The following ZFPM2 variants were observed in gnomAD, a reference collection of about 807,000 sequenced individuals.
ZFPM2 encodes zinc finger protein, FOG family member 2, also known as zinc finger protein ZFPM2.
ZFPM2 carries 20 observed loss-of-function variants against 98.6 expected under a neutral mutation model. The observed-to-expected ratio is 0.20, with a 90% CI of 0.14 to 0.29. The LOEUF is 0.29. Ranked by LOEUF, ZFPM2 falls within the 10% of genes least tolerant of loss-of-function variation. The pLI, the probability that ZFPM2 is intolerant of heterozygous loss-of-function variation, is 1.00. For synonymous variants in ZFPM2, 518 were observed against 502.7 expected, an observed-to-expected ratio of 1.03 and a Z score of -0.41; for missense variants, 1,310 against 1,388.6, an observed-to-expected ratio of 0.94 and a Z score of 0.90.
At chr8:105,445,220 C>A (rs189654885) in intron 3 of ZFPM2, among the ~76,000 whole-genome samples, 1 of 152,084 alleles carries the variant, frequency 6.6e-6, no homozygotes. Flanking sequence ...AGAGGAACTC[C>A]AGCAGTAATT....
At chr8:105,706,782 G>C (rs1811273468) in intron 5 of ZFPM2, among the ~76,000 whole-genome samples, 1 of 152,052 alleles carries the variant, frequency 6.6e-6, no homozygotes, top group South Asian at 2.1e-4. Flanking sequence ...GTTTCACCAT[G>C]TTGGCCAGGC....
intron 1 of ZFPM2, among the ~76,000 whole-genome samples, chr8:105,353,830 T>C (rs1812692453): frequency 6.6e-6 from 1 of 152,234 alleles, no homozygotes; most frequent in South Asian, 2.1e-4. Flanking sequence ...CGGAGTTTTA[T>C]TCTAAGTGCT....
intron 3 of ZFPM2, among the ~76,000 whole-genome samples, chr8:105,494,229 T>TAAA (rs1563684629): frequency 1.2e-5 from 1 of 85,980 alleles, no homozygotes; most frequent in African/African-American, 4.2e-5. Context: ...ATATATATAA[T>TAAA]CTCAAACTCA....
At chr8:105,531,909 T>C (rs1399161089) in intron 3 of ZFPM2, among the ~76,000 whole-genome samples, 1 of 152,162 alleles carries the variant, frequency 6.6e-6, no homozygotes, top group Non-Finnish European at 1.5e-5. Flanking sequence ...TTCTTTTCTT[T>C]TCTTTTTCTG....
At chr8:105,533,487 T>A (rs1390939232) in intron 3 of ZFPM2, among the ~76,000 whole-genome samples, 1 of 152,134 alleles carries the variant, frequency 6.6e-6, no homozygotes, top group African/African-American at 2.4e-5. Flanking sequence ...TCTGGAAGAG[T>A]ACTATATAAA....
chr8:105,384,466 G>A (rs577106279), intron 1 of ZFPM2, among the ~76,000 whole-genome samples: 2 of 152,094 alleles, frequency 1.3e-5, no homozygotes. Flanking sequence ...TCATTAATAG[G>A]ATACCAAATG....
At chr8:105,514,161 C>T (rs767060546) in intron 3 of ZFPM2, among the ~76,000 whole-genome samples, 5 of 151,970 alleles carry the variant, frequency 3.3e-5, no homozygotes, top group African/African-American at 1.2e-4. Context: ...CACCATCACA[C>T]GCGTCTAAAT....
chr8:105,713,405 T>C lies in ZFPM2; in HGVS notation c.533-75313T>C, dbSNP rs560618149. Among the ~76,000 whole-genome samples the C allele has an allele frequency of 9.9e-5, 15 of 152,226 alleles. No individual in the cohort carries two copies. The South Asian group carries it at 2.1e-3, about 21-fold the overall frequency. ...TCTTCTTGTTGATTTAAGTTTCTTA[T>C]AGATTCTGGGCATTAGTCCTTTGTC... On this transcript the variant is annotated intron_variant, in intron 5 of 7. Coordinates refer to ENST00000407775, the MANE Select transcript of ZFPM2 (RefSeq NM_012082.4).
chr8:105,646,341 G>A (rs917309326), intron 5 of ZFPM2, among the ~76,000 whole-genome samples: 11 of 152,066 alleles, frequency 7.2e-5, no homozygotes, highest in Non-Finnish European at 1.3e-4. Flanking sequence ...GGGTAGTGTC[G>A]GGTGGTTCGT....
At chr8:105,442,495 T>C (rs371446229) in intron 2 of ZFPM2, among the ~76,000 whole-genome samples, 1 of 152,244 alleles carries the variant, frequency 6.6e-6, no homozygotes, top group Admixed American at 6.5e-5. Flanking sequence ...CCACAGTTCC[T>C]TAAACATAGT....
At chr8:105,448,492 G>A (rs138834105) in intron 3 of ZFPM2, among the ~76,000 whole-genome samples, 1 of 151,870 alleles carries the variant, frequency 6.6e-6, no homozygotes, top group Non-Finnish European at 1.5e-5. Flanking sequence ...GAAGTTCAAG[G>A]TGTAACATCA....
intron 3 of ZFPM2, among the ~76,000 whole-genome samples, chr8:105,453,786 G>A (rs1054614031): frequency 2.0e-5 from 3 of 151,658 alleles, no homozygotes; most frequent in African/African-American, 2.4e-5. Context: ...ACCACACCCA[G>A]GTAATTTTTT....
At chr8:105,628,278 A>AAAG (rs1816695256) in intron 4 of ZFPM2, among the ~76,000 whole-genome samples, 1 of 152,200 alleles carries the variant, frequency 6.6e-6, no homozygotes, top group Admixed American at 6.5e-5. Context: ...CTTCAACTGT[A>AAAG]AAGTCAATGA....
chr8:105,667,418 T>A (rs1817510726), intron 5 of ZFPM2, among the ~76,000 whole-genome samples: 1 of 152,188 alleles, frequency 6.6e-6, no homozygotes, highest in South Asian at 2.1e-4. Flanking sequence ...AAATTGTGCG[T>A]AGGTAAAATG....
chr8:105,389,881 A>G (rs1242099710), intron 1 of ZFPM2, among the ~76,000 whole-genome samples: 2 of 152,226 alleles, frequency 1.3e-5, no homozygotes, highest in African/African-American at 4.8e-5. Context: ...GATAAGGAGA[A>G]ATGAGAGCCT....
chr8:105,458,703 T>C (rs1172839029), intron 3 of ZFPM2, among the ~76,000 whole-genome samples: 3 of 152,178 alleles, frequency 2.0e-5, no homozygotes, highest in Non-Finnish European at 4.4e-5. Flanking sequence ...CTTTTAGTTA[T>C]ATTTTCTCTA....
At chr8:105,596,278 A>G (rs1246521724) in intron 4 of ZFPM2, among the ~76,000 whole-genome samples, 1 of 152,100 alleles carries the variant, frequency 6.6e-6, no homozygotes, top group East Asian at 1.9e-4. Context: ...GGAGAAAACA[A>G]AAGAGTAAAC....
intron 4 of ZFPM2, among the ~76,000 whole-genome samples, chr8:105,617,504 A>G (rs1402572759): frequency 3.9e-5 from 6 of 152,152 alleles, no homozygotes; most frequent in Admixed American, 6.5e-5. Flanking sequence ...TAGGTTCCCT[A>G]AGTGGTTGCA....
chr8:105,347,303 T>TG, intron 1 of ZFPM2, among the ~76,000 whole-genome samples: 1 of 152,326 alleles, frequency 6.6e-6, no homozygotes, highest in Middle Eastern at 3.4e-3. Context: ...TTCCAGTCAT[T>TG]GATGTCAATA....
Sources: gnomAD v4.1 joint callset for allele counts (sites outside exome capture counted in the v4.1 genomes callset) on GRCh38, gnomAD v4.1.1 for gene constraint, MANE v1.5 for transcripts, NCBI Gene and HGNC (gene_info 2026-07-23, HGNC 2026-07-21) for gene names.